SCFD2: variants seen among roughly 807,000 people sequenced by gnomAD.
The protein encoded by SCFD2 is sec1 family domain-containing protein 2.
Under a neutral mutation model 58.9 loss-of-function variants are expected in SCFD2, and 54 were observed. The observed-to-expected ratio is 0.92, with a 90% confidence interval of 0.74 to 1.15. The LOEUF is 1.15. SCFD2 is among the 50% of genes most tolerant of loss of function. SCFD2 has a pLI of 0.00. For synonymous variants in SCFD2, 321 were observed against 335.9 expected, an observed-to-expected ratio of 0.96 and a Z score of 0.49; for missense variants, 805 against 836.6, an observed-to-expected ratio of 0.96 and a Z score of 0.47.
chr4:53,303,519 G>T (rs369686379), intron 3 of SCFD2, among the ~76,000 whole-genome samples: 49 of 152,164 alleles, frequency 3.2e-4, no homozygotes, highest in Middle Eastern at 3.4e-3. Flanking sequence ...GTAAACTAGT[G>T]CAACCATTGT....
intron 4 of SCFD2, among the ~76,000 whole-genome samples, chr4:53,270,160 T>C (rs1485644348): frequency 2.0e-5 from 3 of 152,362 alleles, no homozygotes; most frequent in East Asian, 3.9e-4. Flanking sequence ...TATATGTGTG[T>C]GTGGGAACAA....
At chr4:53,012,832 G>GT (rs1292837200) in intron 5 of SCFD2, among the ~76,000 whole-genome samples, 19 of 90,614 alleles carry the variant, frequency 2.1e-4, no homozygotes, top group African/African-American at 7.4e-4. Flanking sequence ...GTGTGTGTGT[G>GT]TGTGTTTTTT....
intron 4 of SCFD2, among the ~76,000 whole-genome samples, chr4:53,218,388 CATTT>C (rs1400777200): frequency 6.6e-6 from 1 of 152,174 alleles, no homozygotes; most frequent in Non-Finnish European, 1.5e-5. Flanking sequence ...TCATTTCATT[CATTT>C]GATCTTCTGT....
chr4:53,246,074 A>C (rs551362326), intron 4 of SCFD2, among the ~76,000 whole-genome samples: 98 of 152,324 alleles, frequency 6.4e-4, no homozygotes, highest in African/African-American at 2.2e-3. Context: ...GAGCCAAATC[A>C]GAAATGTAAT....
At chr4:53,353,121 C>T (rs537209936) in intron 1 of SCFD2, among the ~76,000 whole-genome samples, 3 of 152,248 alleles carry the variant, frequency 2.0e-5, no homozygotes, top group East Asian at 1.9e-4. Context: ...ATGGTGTGTC[C>T]GGAGTTTGTT....
At chr4:52,926,859 A>AGCAGT (rs2109492358) in intron 5 of SCFD2, among the ~76,000 whole-genome samples, 1 of 152,358 alleles carries the variant, frequency 6.6e-6, no homozygotes, top group South Asian at 2.1e-4. Context: ...CCATCCATCC[A>AGCAGT]GCAGTCTGAC....
chr4:53,112,519 T>C (rs1324813998), intron 5 of SCFD2, among the ~76,000 whole-genome samples: 1 of 152,092 alleles, frequency 6.6e-6, no homozygotes, highest in African/African-American at 2.4e-5. Flanking sequence ...TCGCACCAAG[T>C]AGAAGCCCTA....
chr4:53,132,045 A>T (rs2148900315), intron 5 of SCFD2, among the ~76,000 whole-genome samples: 1 of 152,352 alleles, frequency 6.6e-6, no homozygotes, highest in Admixed American at 6.5e-5. Context: ...TGTCTCAGAT[A>T]AGAATAATCA....
At chr4:53,249,443 A>G (rs993455022) in intron 4 of SCFD2, among the ~76,000 whole-genome samples, 3 of 152,170 alleles carry the variant, frequency 2.0e-5, no homozygotes, top group East Asian at 1.9e-4. Flanking sequence ...TCAGATTCAG[A>G]AAATACATAG....
In SCFD2 at chr4:53,192,254, A is replaced by T. The variant is rs117929173; in HGVS notation, c.1312-46672T>A. 4.0e-3 allele frequency among the ~76,000 whole-genome samples: 612 copies of T among 152,252 alleles called. 5 individuals are homozygous for T. Among genetic ancestry groups the T allele is most frequent in the East Asian group, 0.029 (151 of 5,184 alleles). On this transcript the variant is annotated intron_variant, in intron 4 of 8. Coordinates refer to ENST00000401642, the MANE Select transcript of SCFD2 (RefSeq NM_152540.4). ...CCCTATTGTCTTACATCTTGTTTCTACTGCCTGCCTGGCCAGGGAAGGGTT... is the reference window on the plus strand; with the variant it reads ...CCCTATTGTCTTACATCTTGTTTCTTCTGCCTGCCTGGCCAGGGAAGGGTT...
chr4:53,329,362 A>G (rs1733340583), intron 2 of SCFD2, among the ~76,000 whole-genome samples: 1 of 152,066 alleles, frequency 6.6e-6, no homozygotes, highest in Non-Finnish European at 1.5e-5. Context: ...AGCTTTGAAG[A>G]GAGCAGTGGT....
chr4:53,077,366 T>C (rs1006946890), intron 5 of SCFD2, among the ~76,000 whole-genome samples: 1 of 152,204 alleles, frequency 6.6e-6, no homozygotes, highest in African/African-American at 2.4e-5. Flanking sequence ...ATACCCTAGT[T>C]TGACAAATGC....
At chr4:53,103,768 T>TG (rs1553876589) in intron 5 of SCFD2, among the ~76,000 whole-genome samples, 1 of 34,028 alleles carries the variant, frequency 2.9e-5, no homozygotes, top group Non-Finnish European at 4.9e-5. Context: ...AGTAAGGAAG[T>TG]AAAAAAAAAA....
intron 3 of SCFD2, among the ~76,000 whole-genome samples, chr4:53,302,407 C>T (rs777947665): frequency 5.9e-5 from 9 of 152,120 alleles, no homozygotes; most frequent in Non-Finnish European, 7.4e-5. Context: ...TGTGAAGGAC[C>T]TCTTCAAGGA....
In SCFD2 at chr4:53,348,863, C is replaced by T. The variant is rs562440439; in HGVS notation, c.1007+3735G>A. ...CCGAGTAGCTGGGATTACAGGCATG[C>T]GCCACCATGCCTGGCTAATTTTTGT... is the stretch of plus-strand genomic sequence containing the variant. On this transcript the variant is annotated intron_variant, in intron 2 of 8. Coordinates refer to ENST00000401642, the MANE Select transcript of SCFD2 (RefSeq NM_152540.4). Among the ~76,000 whole-genome samples, 22 of 152,000 alleles carry T rather than the reference C, an allele frequency of 1.4e-4. 1 individual carries two copies. Among genetic ancestry groups the T allele is most frequent in the Non-Finnish European group, 2.5e-4 (17 of 67,956 alleles).
chr4:53,137,923 C>A (rs1173243334), intron 5 of SCFD2, among the ~76,000 whole-genome samples: 2 of 152,188 alleles, frequency 1.3e-5, no homozygotes, highest in East Asian at 3.9e-4. Context: ...GCTGCTGCTT[C>A]ACCTCAGTCC....
chr4:53,166,945 A>G (rs560406792), intron 4 of SCFD2, among the ~76,000 whole-genome samples: 1 of 152,138 alleles, frequency 6.6e-6, no homozygotes, highest in African/African-American at 2.4e-5. Flanking sequence ...TGTGAATAGG[A>G]GGGATAGAGG....
chr4:52,893,719 A>G (rs1718934944), intron 7 of SCFD2, among the ~76,000 whole-genome samples: 1 of 152,196 alleles, frequency 6.6e-6, no homozygotes, highest in African/African-American at 2.4e-5. Context: ...CCTAAGATAG[A>G]TAAGGTTCAG....
intron 4 of SCFD2, among the ~76,000 whole-genome samples, chr4:53,207,990 C>T (rs1287718678): frequency 6.6e-6 from 1 of 150,388 alleles, no homozygotes; most frequent in African/African-American, 2.5e-5. Context: ...CAAAGTCTAG[C>T]TCTATCACTA....
Sources: gnomAD v4.1 joint callset for allele counts (sites outside exome capture counted in the v4.1 genomes callset) on GRCh38, gnomAD v4.1.1 for gene constraint, MANE v1.5 for transcripts, NCBI Gene and HGNC (gene_info 2026-07-23, HGNC 2026-07-21) for gene names.